Variants in KALRN observed in about 807,000 individuals in gnomAD.
KALRN encodes the protein kalirin.
Under a neutral mutation model 353.7 loss-of-function variants are expected in KALRN, and 70 were observed. The observed-to-expected ratio is 0.20, with a 90% CI of 0.16 to 0.24. The LOEUF (loss-of-function observed/expected upper bound fraction) is 0.24, where lower values mean the gene tolerates loss of function less well. Among genes scored for constraint, KALRN ranks in the 10% least tolerant of loss-of-function variants. The pLI, the probability that KALRN is intolerant of heterozygous loss-of-function variation, is 1.00. For synonymous variants in KALRN, 1,391 were observed against 1,434.8 expected (o/e 0.97, Z 0.69); for missense variants, 2,791 against 3,756.7 (o/e 0.74, Z 6.72).
intron 34 of KALRN, among the ~76,000 whole-genome samples, chr3:124,581,717 T>A (rs2074651427): frequency 6.6e-6 from 1 of 152,168 alleles, no homozygotes; most frequent in Admixed American, 6.5e-5. Context: ...AGGGATTGGG[T>A]GGGTAAACCA....
rs770860966 is a variant in KALRN, at chr3:124,633,914, T to A, written c.5529T>A (p.Pro1843=). 6.8e-6 allele frequency: 11 copies of A among 1,614,060 alleles called. No individual in the cohort carries two copies. The highest frequency in any genetic ancestry group is 9.3e-6 in the Non-Finnish European group (11 of 1,179,962). ...DEESHTPLPP[P]MKIFDNDPTQ... ...AGTCACACACACCCCTCCCACCACC[T>A]ATGAAGATTTTTGACAACGACCCTA... Residue 1843 remains proline, a synonymous_variant, in exon 36 of 60, where the codon CCT becomes CCA. Transcript: ENST00000682506.
chr3:124,404,291 G>A (rs182693201), intron 13 of KALRN, among the ~76,000 whole-genome samples: 3 of 152,056 alleles, frequency 2.0e-5, no homozygotes, highest in African/African-American at 4.8e-5. Context: ...CTGCAGTCCC[G>A]GTGACTCTAA....
intron 1 of KALRN, among the ~76,000 whole-genome samples, chr3:124,095,507 C>T (rs1038127473): frequency 6.6e-6 from 1 of 152,136 alleles, no homozygotes; most frequent in Non-Finnish European, 1.5e-5. Flanking sequence ...CCCTATGCAC[C>T]TCTTAGCTTC....
At chr3:124,287,421 C>T (rs2076009096) in intron 5 of KALRN, among the ~76,000 whole-genome samples, 1 of 151,916 alleles carries the variant, frequency 6.6e-6, no homozygotes, top group Non-Finnish European at 1.5e-5. Context: ...CCTTACCAGT[C>T]CCTGAACGCT....
chr3:124,110,413 A>G (rs1247606565), intron 1 of KALRN, among the ~76,000 whole-genome samples: 1 of 150,100 alleles, frequency 6.7e-6, no homozygotes. Flanking sequence ...TACATGGTAA[A>G]TATATTCCAT....
chr3:124,605,346 G>T lies in KALRN; in HGVS notation c.5183-27074G>T, dbSNP rs377164485. On this transcript the variant is annotated intron_variant, in intron 34 of 59. Coordinates refer to ENST00000682506, the MANE Select transcript of KALRN (RefSeq NM_001388419.1). ...AGCACTTTGGGAGGCTAAGAGGCAG[G>T]TGGATCACTTGAGGTCAGGAGTTCA... Among the ~76,000 whole-genome samples the T allele has an allele frequency of 2.0e-4, 30 of 151,780 alleles. 1 individual carries two copies. In the East Asian group the frequency reaches 3.5e-3, roughly 18 times the overall value.
chr3:124,664,093 C>G lies in KALRN; in HGVS notation c.6345+2165C>G, dbSNP rs994043308. On this transcript the variant is annotated intron_variant, in intron 45 of 59. Coordinates refer to ENST00000682506, the MANE Select transcript of KALRN (RefSeq NM_001388419.1). ...ACACACTGAGTTCTTAACCATTTTT[C>G]TTCCGTCATACTGGGTGGAGTTTTA... 5.3e-5 allele frequency among the ~76,000 whole-genome samples: 8 copies of G among 152,248 alleles called. No homozygotes were observed. In the East Asian group the frequency reaches 1.4e-3, roughly 26 times the overall value.
chr3:124,486,025 G>T (rs1318686620), intron 28 of KALRN, among the ~76,000 whole-genome samples: 1 of 152,160 alleles, frequency 6.6e-6, no homozygotes, highest in African/African-American at 2.4e-5. Flanking sequence ...TCAAATACAT[G>T]TATATTTAAT....
At chr3:124,612,483 G>C (rs1030517744) in intron 34 of KALRN, among the ~76,000 whole-genome samples, 2 of 152,134 alleles carry the variant, frequency 1.3e-5, no homozygotes, top group African/African-American at 4.8e-5. Flanking sequence ...GATTACAGGC[G>C]TGAGCCACCG....
At chr3:124,637,012 A>C in intron 36 of KALRN, 196 bp from the exon 37 acceptor site, 5 of 562,684 alleles carry the variant, frequency 8.9e-6, no homozygotes, top group Non-Finnish European at 9.7e-6. Context: ...GCTGCTGGCT[A>C]GAATTCCTAA....
intron 5 of KALRN, among the ~76,000 whole-genome samples, chr3:124,289,810 T>C (rs549554786): frequency 1.3e-5 from 2 of 152,322 alleles, no homozygotes; most frequent in East Asian, 3.9e-4. Flanking sequence ...TGTAGCATTA[T>C]TATGAGGATT....
chr3:124,268,899 C>A lies in KALRN; in HGVS notation c.613C>A (p.Arg205Ser). 1 of 1,614,088 alleles carries A rather than the reference C, an allele frequency of 6.2e-7. No homozygotes were observed. Among genetic ancestry groups the A allele is most frequent in the Non-Finnish European group, 8.5e-7 (1 of 1,179,994 alleles). ...FFNSAVHLLS[R>S]LEDLQEMLAR... ...CAACAGCGCCGTGCACCTGCTCTCGCGCCTCGAGGACCTCCAGGAGATGCT... is the reference window on the plus strand; with the variant it reads ...CAACAGCGCCGTGCACCTGCTCTCGAGCCTCGAGGACCTCCAGGAGATGCT... The change falls in exon 5 of 60, where the codon CGC (arginine) becomes AGC (serine). Residue 205 changes from arginine (R) to serine (S), a missense_variant. By Grantham distance (110) the Arg-to-Ser change is moderately radical. Around this residue, in one of 11 missense-constraint regions of KALRN, gnomAD observed 366 missense variants for 489.2 expected, o/e 0.75. Coordinates refer to ENST00000682506, the MANE Select transcript of KALRN (RefSeq NM_001388419.1).
intron 5 of KALRN, among the ~76,000 whole-genome samples, chr3:124,291,743 G>A (rs1273377411): frequency 6.6e-6 from 1 of 152,316 alleles, no homozygotes; most frequent in South Asian, 2.1e-4. Flanking sequence ...TACAGTGAAA[G>A]TGTCTCCCAG....
chr3:124,505,709 G>C (rs1561168230), intron 33 of KALRN, among the ~76,000 whole-genome samples: 1 of 152,342 alleles, frequency 6.6e-6, no homozygotes, highest in East Asian at 1.9e-4. Context: ...GCAATGTAGA[G>C]TAGGTGGGGC....
intron 3 of KALRN, among the ~76,000 whole-genome samples, chr3:124,237,366 C>CTT (rs551869197): frequency 7.4e-6 from 1 of 135,620 alleles, no homozygotes; most frequent in Non-Finnish European, 1.6e-5. Flanking sequence ...TCATTTGATG[C>CTT]TTTTTTTTTT....
intron 10 of KALRN, among the ~76,000 whole-genome samples, chr3:124,382,450 A>C (rs956295832): frequency 6.6e-6 from 1 of 152,146 alleles, no homozygotes; most frequent in Admixed American, 6.5e-5. Flanking sequence ...TGCTTACAAT[A>C]TTGGGTATGT....
chr3:124,140,286 G>A (rs546843359), intron 1 of KALRN, among the ~76,000 whole-genome samples: 1 of 152,290 alleles, frequency 6.6e-6, no homozygotes, highest in South Asian at 2.1e-4. Context: ...AACTCACTAA[G>A]TTATGCCTCA....
intron 37 of KALRN, among the ~76,000 whole-genome samples, chr3:124,642,813 T>TTTTGTTGTTG (rs2082232128): frequency 7.2e-5 from 10 of 137,990 alleles, no homozygotes; most frequent in East Asian, 2.6e-4. Flanking sequence ...CTCGTTTTTT[T>TTTTGTTGTTG]TTTTTTTTTT....
chr3:124,235,489 G>A (rs567992587), intron 3 of KALRN, among the ~76,000 whole-genome samples: 32 of 54,296 alleles, frequency 5.9e-4, no homozygotes, highest in Admixed American at 4.8e-3. Flanking sequence ...TGGGAGACAC[G>A]CCAAGGACAT....
Sources: gnomAD v4.1 joint callset for allele counts (sites outside exome capture counted in the v4.1 genomes callset) on GRCh38, gnomAD v4.1.1 for gene constraint, gnomAD v4.1.1 regional missense constraint, MANE v1.5 for transcripts, NCBI Gene and HGNC (gene_info 2026-07-23, HGNC 2026-07-21) for gene names.